The following XPO7 variants were observed in gnomAD, a reference collection of about 807,000 sequenced individuals.
XPO7 encodes the protein exportin 7, also known as exportin-7.
In XPO7, 21 loss-of-function variants were observed where a neutral mutation model predicts 144.3. The ratio of observed to expected loss-of-function variants is 0.15; its 90% CI spans 0.10 to 0.21. XPO7 has a LOEUF of 0.21. XPO7 is among the 10% of genes least tolerant of loss of function. The pLI is 1.00. For missense variants in XPO7, 808 were observed against 1,325.8 expected (o/e 0.61, Z 6.06); for synonymous variants, 580 against 499.6 (o/e 1.16, Z -2.15).
Position 21,970,266 on chromosome 8 carries a change from T to A in XPO7, c.382T>A (p.Tyr128Asn), listed in dbSNP as rs576438786. Residue 128 changes from tyrosine (Y) to asparagine (N), a missense_variant, in exon 4 of 28, where the codon TAT becomes AAT. By Grantham distance (143) the Tyr-to-Asn change is moderately radical (BLOSUM62 -2). Around this residue, in one of 5 missense-constraint regions of XPO7, gnomAD observed 223 missense variants for 368.8 expected, o/e 0.60. Coordinates refer to ENST00000252512, the MANE Select transcript of XPO7 (RefSeq NM_015024.5). The stretch of plus-strand genomic sequence containing the variant: ...CTGGTTTGACTGTCAGAAGGATGAC[T>A]ATGTCTTCAGAAATGCAATCACAGA... ...LGWFDCQKDD[Y>N]VFRNAITDVT... 6.2e-7 allele frequency: 1 copy of A among 1,613,816 alleles called. No homozygotes were observed. Among genetic ancestry groups the A allele is most frequent in the East Asian group, 2.2e-5 (1 of 44,886 alleles).
At chr8:21,968,610 T>C (rs1429131920) in intron 2 of XPO7, among the ~76,000 whole-genome samples, 1 of 152,200 alleles carries the variant, frequency 6.6e-6, no homozygotes, top group Non-Finnish European at 1.5e-5. Flanking sequence ...TCACCACTAG[T>C]CTTAAATTTT....
chr8:21,920,073 A>G (rs1027224704), intron 1 of XPO7, among the ~76,000 whole-genome samples: 18 of 151,172 alleles, frequency 1.2e-4, no homozygotes, highest in Non-Finnish European at 2.4e-4. Flanking sequence ...TTCGTCAGTC[A>G]CTGTCTTCGT....
intron 1 of XPO7, among the ~76,000 whole-genome samples, chr8:21,955,442 G>A (rs542670326): frequency 5.6e-4 from 85 of 152,266 alleles, no homozygotes; most frequent in Non-Finnish European, 9.8e-4. Flanking sequence ...ACTTCAACAC[G>A]GATTAAGGTG....
At position 21,974,693 on chromosome 8, in the gene XPO7, C is replaced by A; in HGVS notation, c.516C>A (p.Thr172=). The change falls in exon 6 of 28, where the codon ACC becomes ACA. Residue 172 remains threonine (T), a synonymous_variant. Transcript: ENST00000252512. The part of the protein sequence containing the change: ...INQADTTHPL[T]KHRKIASSFR... ...AGGCAGACACCACCCATCCTTTAAC[C>A]AAGCACAGAAAAATAGCCTCTTCTT... 1 of 1,593,036 alleles carries A rather than the reference C, an allele frequency of 6.3e-7. No individual in the cohort carries two copies. The highest frequency in any genetic ancestry group is 8.6e-7 in the Non-Finnish European group (1 of 1,169,232).
chr8:21,974,200 T>A (rs1213044600), intron 5 of XPO7, among the ~76,000 whole-genome samples: 1 of 148,966 alleles, frequency 6.7e-6, no homozygotes, highest in African/African-American at 2.5e-5. Context: ...TTTATTTTTT[T>A]ATTTTTATTT....
intron 9 of XPO7, among the ~76,000 whole-genome samples, 190 bp from the exon 10 acceptor site, chr8:21,981,541 C>A (rs181540133): frequency 2.0e-5 from 3 of 152,298 alleles, no homozygotes; most frequent in East Asian, 3.9e-4. Context: ...ATGTGACTGT[C>A]CCTTTTCAAA....
At chr8:21,932,646 T>TA (rs78970589) in intron 1 of XPO7, among the ~76,000 whole-genome samples, 14,387 of 152,268 alleles carry the variant, frequency 0.094, 1,014 homozygotes, top group East Asian at 0.32. Context: ...TTATGCAAGT[T>TA]AAAACTGTCT....
At chr8:21,939,702 C>T (rs1810932138) in intron 1 of XPO7, among the ~76,000 whole-genome samples, 1 of 152,154 alleles carries the variant, frequency 6.6e-6, no homozygotes, top group African/African-American at 2.4e-5. Flanking sequence ...ATGGACAACT[C>T]TTTTTTATAC....
chr8:21,970,784 C>T (rs28643538), intron 4 of XPO7, among the ~76,000 whole-genome samples: 3,158 of 151,950 alleles, frequency 0.021, 115 homozygotes, highest in African/African-American at 0.073. Context: ...ACAGCAGTCC[C>T]GTAAAATTAT....
intron 21 of XPO7, among the ~76,000 whole-genome samples, chr8:21,997,493 C>T (rs1474399545): frequency 6.6e-6 from 1 of 152,210 alleles, no homozygotes; most frequent in Non-Finnish European, 1.5e-5. Flanking sequence ...AAGGAGTCTT[C>T]TAAACAGAAA....
chr8:21,980,754 G>A (rs1192148613), intron 9 of XPO7, among the ~76,000 whole-genome samples: 9 of 148,288 alleles, frequency 6.1e-5, no homozygotes, highest in Non-Finnish European at 8.9e-5. Context: ...CAGCTTGGGC[G>A]ACAGAGTAAG....
intron 1 of XPO7, among the ~76,000 whole-genome samples, chr8:21,962,696 G>A (rs998749622): frequency 7.9e-5 from 12 of 152,122 alleles, no homozygotes; most frequent in African/African-American, 2.9e-4. Context: ...AGTTTGGTTT[G>A]TATTCATCTA....
chr8:21,996,048 C>T (rs544630423), intron 21 of XPO7, among the ~76,000 whole-genome samples: 2 of 152,334 alleles, frequency 1.3e-5, no homozygotes, highest in East Asian at 1.9e-4. Flanking sequence ...ATCTCCTGAC[C>T]TCGTGATCCG....
chr8:22,002,963 C>G, intron 25 of XPO7: 1 of 296,020 alleles, frequency 3.4e-6, no homozygotes, highest in Non-Finnish European at 6.3e-6. Flanking sequence ...TTCCCCACAA[C>G]TCAGGGTGAC....
intron 21 of XPO7, among the ~76,000 whole-genome samples, chr8:21,998,524 T>C (rs1174888226): frequency 1.3e-5 from 2 of 152,214 alleles, no homozygotes; most frequent in African/African-American, 2.4e-5. Flanking sequence ...TTTTTTCTTA[T>C]AAATGTTTTT....
At chr8:22,003,131 T>C in intron 25 of XPO7, 88 bp from the exon 26 acceptor site, 1 of 994,986 alleles carries the variant, frequency 1.0e-6, no homozygotes, top group Non-Finnish European at 1.5e-6. Flanking sequence ...GCCTTCAGCC[T>C]AATATACTCC....
chr8:21,975,931 G>A (rs940194079), intron 6 of XPO7, among the ~76,000 whole-genome samples: 2 of 152,128 alleles, frequency 1.3e-5, no homozygotes, highest in Admixed American at 6.5e-5. Flanking sequence ...TTGTAAAAAC[G>A]AGGAAAGAAA....
At chr8:21,921,543 AT>A (rs1225466018) in intron 1 of XPO7, 1 of 152,150 alleles carries the variant, frequency 6.6e-6, no homozygotes, top group Admixed American at 6.5e-5. Flanking sequence ...GATCTCCCAC[AT>A]TTTCGAAGCA....
chr8:21,921,218 A>G (rs1810274908), intron 1 of XPO7, among the ~76,000 whole-genome samples: 1 of 152,230 alleles, frequency 6.6e-6, no homozygotes, highest in African/African-American at 2.4e-5. Context: ...GAAATATTTT[A>G]TGTGATTTTT....
Sources: allele counts gnomAD v4.1 joint callset (sites outside exome capture counted in the v4.1 genomes callset), GRCh38; gene constraint gnomAD v4.1.1; regional missense constraint gnomAD v4.1.1; transcripts MANE v1.5; gene names NCBI Gene and HGNC (gene_info 2026-07-23, HGNC 2026-07-21).